Variants in NCS1 observed in about 807,000 individuals in gnomAD.
NCS1 encodes frequenin homolog.
NCS1 carries 6 observed loss-of-function variants against 28.4 expected under a neutral mutation model. The ratio of observed to expected loss-of-function variants is 0.21; its 90% CI spans 0.12 to 0.42. The LOEUF (loss-of-function observed/expected upper bound fraction) is 0.42. Among genes scored for constraint, NCS1 ranks in the 10% least tolerant of loss-of-function variants. The pLI, the probability that NCS1 is intolerant of heterozygous loss-of-function variation, is 1.00. For missense variants in NCS1, 131 were observed against 241.4 expected (o/e 0.54, Z 3.03); for synonymous variants, 86 against 99.3 (o/e 0.87, Z 0.79).
At chr9:130,225,716 C>T (rs1190863470) in intron 6 of NCS1, among the ~76,000 whole-genome samples, 4 of 152,358 alleles carry the variant, frequency 2.6e-5, no homozygotes, top group South Asian at 2.1e-4. Flanking sequence ...ATGTCGTGTA[C>T]GCAGCGAGCG....
At chr9:130,212,021 G>A (rs1441821738) in intron 2 of NCS1, among the ~76,000 whole-genome samples, 2 of 152,120 alleles carry the variant, frequency 1.3e-5, no homozygotes, top group Non-Finnish European at 2.9e-5. Context: ...GGGAGGAGGG[G>A]GAAGGGCAGA....
intron 2 of NCS1, among the ~76,000 whole-genome samples, chr9:130,206,634 T>C (rs1169802782): frequency 5.9e-5 from 9 of 152,120 alleles, no homozygotes; most frequent in African/African-American, 2.2e-4. Flanking sequence ...GGTCTCGAAC[T>C]CCTGACCTCA....
chr9:130,214,144 G>A (rs1420442788), intron 2 of NCS1, among the ~76,000 whole-genome samples: 7 of 152,204 alleles, frequency 4.6e-5, no homozygotes, highest in East Asian at 1.9e-4. Context: ...GGGGACTGGC[G>A]TGGAGGCACA....
rs1264459691 is a variant in NCS1 at position 130,222,851 on chromosome 9, G to T, written c.396+113G>T. 8 of 1,170,376 alleles carry T rather than the reference G, an allele frequency of 6.8e-6. No homozygotes were observed. The African/African-American group carries it at 7.6e-5, about 11-fold the overall frequency. The allele number at this position is 1,170,376 out of a possible 1,614,324, so 72.5% of individuals were successfully genotyped here. ...TGCTCCTGCCCAGGGTGGAAGCAGG[G>T]GTCACTGGCTGAGCCGTTCTGTACA... On this transcript the variant is annotated intron_variant, in intron 5 of 7. Transcript: ENST00000372398.
intron 2 of NCS1, among the ~76,000 whole-genome samples, 192 bp downstream of exon 2, chr9:130,201,174 G>A (rs1363878281): frequency 3.9e-5 from 6 of 152,170 alleles, no homozygotes; most frequent in African/African-American, 1.4e-4. Context: ...GTGGAACTGG[G>A]TTGGGGGTGG....
intron 2 of NCS1, among the ~76,000 whole-genome samples, chr9:130,204,634 G>C (rs1453730156): frequency 1.3e-5 from 2 of 152,144 alleles, no homozygotes; most frequent in Non-Finnish European, 2.9e-5. Flanking sequence ...GAGTGACCTT[G>C]GACAAATGAC....
chr9:130,191,787 G>A lies in NCS1; in HGVS notation c.65-9171G>A, dbSNP rs140236250. On this transcript the variant is annotated intron_variant, in intron 1 of 7. Transcript: ENST00000372398. This position sits in a 1 kb window ranked among gnomAD's most constrained non-coding sequence, Gnocchi z 6.4. ...GCCCTGGTGGGCAGCCTGCTTGGAAGGGGCAGCGAGCAGAGCAGACGGGGC... is the reference window on the plus strand; with the variant it reads ...GCCCTGGTGGGCAGCCTGCTTGGAAAGGGCAGCGAGCAGAGCAGACGGGGC... Among the ~76,000 whole-genome samples the A allele has an allele frequency of 3.9e-4, 59 of 152,366 alleles. No homozygotes were observed. The highest frequency in any genetic ancestry group is 1.2e-3 in the African/African-American group (49 of 41,582).
chr9:130,226,130 C>T lies in NCS1; in HGVS notation c.475-259C>T, dbSNP rs2277199. Among the ~76,000 whole-genome samples, 3 of 152,318 alleles carry T rather than the reference C, an allele frequency of 2.0e-5. No individual in the cohort carries two copies. The highest frequency in any genetic ancestry group is 1.9e-4 in the East Asian group (1 of 5,172). On this transcript the variant is annotated intron_variant, in intron 6 of 7. Transcript: ENST00000372398. This position sits in a 1 kb window ranked among gnomAD's most constrained non-coding sequence, Gnocchi z 4.8. ...GTTGGTCAAGCACAGAGCTGTCACC[C>T]GAGTGCCTGGAGGAAGCCAGGTAAT...
chr9:130,208,892 G>T (rs1186835943), intron 2 of NCS1, among the ~76,000 whole-genome samples: 7 of 152,190 alleles, frequency 4.6e-5, no homozygotes, highest in Middle Eastern at 3.2e-3. Context: ...GTGTGTGTGT[G>T]TGGAGTCTGG....
intron 1 of NCS1, among the ~76,000 whole-genome samples, chr9:130,174,658 A>G (rs1221444932): frequency 2.0e-5 from 3 of 152,022 alleles, no homozygotes; most frequent in African/African-American, 7.2e-5. Context: ...CTAAAAATAC[A>G]AAATTAGCTG....
At chr9:130,189,741 C>T (rs1446462041) in intron 1 of NCS1, among the ~76,000 whole-genome samples, 1 of 150,704 alleles carries the variant, frequency 6.6e-6, no homozygotes, top group Non-Finnish European at 1.5e-5. Context: ...ACTCAGGAAG[C>T]TGAGGCAGGA....
chr9:130,222,553 G>T (rs568578792), intron 4 of NCS1, 97 bp from the exon 5 acceptor site: 2 of 968,258 alleles, frequency 2.1e-6, no homozygotes, highest in Non-Finnish European at 3.3e-6. Context: ...CCATCCGGTC[G>T]CTGACTTCAT....
At chr9:130,198,786 G>T (rs939519599) in intron 1 of NCS1, among the ~76,000 whole-genome samples, 2 of 152,188 alleles carry the variant, frequency 1.3e-5, no homozygotes, top group African/African-American at 4.8e-5. Context: ...AACCCAGGCG[G>T]TCTGGTCTGG....
chr9:130,194,375 T>C (rs1271623371), intron 1 of NCS1, among the ~76,000 whole-genome samples: 2 of 152,032 alleles, frequency 1.3e-5, no homozygotes, highest in Non-Finnish European at 2.9e-5. Flanking sequence ...TTCCTGGCTG[T>C]GGGGTACGAG....
At chr9:130,198,254 G>A (rs1832900562) in intron 1 of NCS1, among the ~76,000 whole-genome samples, 1 of 152,142 alleles carries the variant, frequency 6.6e-6, no homozygotes, top group African/African-American at 2.4e-5. Flanking sequence ...GAGTGTAGTT[G>A]GGGGTGAGGA....
rs80243599 is a variant in NCS1, at chr9:130,229,921, T to C, written c.*18-3069T>C. Among the ~76,000 whole-genome samples, 767 of 152,378 alleles carry C rather than the reference T, an allele frequency of 5.0e-3. 9 individuals carry two copies. The highest frequency in any genetic ancestry group is 0.038 in the East Asian group (197 of 5,196). On this transcript the variant is annotated intron_variant, in intron 7 of 7. Transcript: ENST00000372398. Reference sequence around the variant, plus strand: ...ATTCAGAAACTGAGATGAGGCTTATTTTCCACATCATTAAATGTTGAGCCA... The same window carrying C: ...ATTCAGAAACTGAGATGAGGCTTATCTTCCACATCATTAAATGTTGAGCCA...
rs190349933 is a variant in NCS1 at position 130,181,149 on chromosome 9, C to A, written c.64+8422C>A. On this transcript the variant is annotated intron_variant, in intron 1 of 7. Coordinates refer to ENST00000372398, the MANE Select transcript of NCS1 (RefSeq NM_014286.4). The surrounding 1 kb of genome is among the most constrained non-coding windows in gnomAD (Gnocchi z 5.0). The stretch of plus-strand genomic sequence containing the variant: ...CCCAGTGGGGAAGGTACGTCAGGGC[C>A]CCAGGGACGGAGTGTGCTTGGGCTG... Among the ~76,000 whole-genome samples, 22 of 152,222 alleles carry A rather than the reference C, an allele frequency of 1.4e-4. No homozygotes were observed. Among genetic ancestry groups the A allele is most frequent in the Non-Finnish European group, 2.9e-5 (2 of 68,020 alleles).
At chr9:130,179,561 T>C (rs1554904966) in intron 1 of NCS1, among the ~76,000 whole-genome samples, 1 of 152,194 alleles carries the variant, frequency 6.6e-6, no homozygotes, top group Admixed American at 6.5e-5. Flanking sequence ...GCTGGGGATG[T>C]TTTGAAAGGC....
rs190432376 is a variant in NCS1, at chr9:130,200,529, C to G, written c.65-429C>G. On this transcript the variant is annotated intron_variant, in intron 1 of 7. Transcript: ENST00000372398. ...TTCAGCCTAGCTCCCCCCACCCCCCCACATAGGTGGGGCAGCCGAGTGCCT... is the reference window on the plus strand; with the variant it reads ...TTCAGCCTAGCTCCCCCCACCCCCCGACATAGGTGGGGCAGCCGAGTGCCT... 123 of 1,548,066 alleles carry G rather than the reference C, an allele frequency of 7.9e-5. No individual in the cohort carries two copies. The African/African-American group carries it at 1.2e-3, about 15-fold the overall frequency.
Sources: gnomAD v4.1 joint callset for allele counts (sites outside exome capture counted in the v4.1 genomes callset) on GRCh38, gnomAD v4.1.1 for gene constraint, Gnocchi (gnomAD v3.1) non-coding constraint, MANE v1.5 for transcripts, NCBI Gene and HGNC (gene_info 2026-07-23, HGNC 2026-07-21) for gene names.